NINL: variants seen among roughly 807,000 people sequenced by gnomAD.
The protein encoded by NINL is ninein like.
NINL carries 153 observed loss-of-function variants against 160.3 expected under a neutral mutation model. The observed-to-expected ratio is 0.95, with a 90% CI of 0.84 to 1.09. The LOEUF is 1.09. NINL is among the 50% of genes least tolerant of loss of function. NINL has a pLI of 0.00. For missense variants in NINL, 1,829 were observed against 1,764.0 expected (o/e 1.04, Z -0.66); for synonymous variants, 800 against 734.8 (o/e 1.09, Z -1.43).
Position 25,487,056 on chromosome 20 carries a change from C to T in NINL, c.1677+2188G>A, listed in dbSNP as rs575958486. 4.6e-5 allele frequency among the ~76,000 whole-genome samples: 7 copies of T among 152,286 alleles called. No homozygotes were observed. In the South Asian group the frequency reaches 1.5e-3, roughly 32 times the overall value. On this transcript the variant is annotated intron_variant, in intron 13 of 23. Transcript: ENST00000278886. ...GGGTGATGTGGCCTTAAGATTCACA[C>T]ACGGAAAGAATGAGCTGTAACTAAA... is the stretch of plus-strand genomic sequence containing the variant.
At chr20:25,562,593 G>C (rs1420728100) in intron 1 of NINL, among the ~76,000 whole-genome samples, 1 of 137,066 alleles carries the variant, frequency 7.3e-6, no homozygotes, top group Non-Finnish European at 1.5e-5. Flanking sequence ...ATGCTTGAAG[G>C]CAGCATGCTC....
intron 13 of NINL, chr20:25,488,857 T>C (rs1448473693): frequency 5.5e-6 from 1 of 181,262 alleles, no homozygotes; most frequent in African/African-American, 2.3e-5. Context: ...CAACAAAAGC[T>C]CTTTGGGGTC....
chr20:25,518,564 A>G (rs1013422219), intron 2 of NINL, among the ~76,000 whole-genome samples: 2 of 152,268 alleles, frequency 1.3e-5, no homozygotes, highest in Non-Finnish European at 2.9e-5. Flanking sequence ...AATTTTTAAT[A>G]TCCTTATGTT....
intron 1 of NINL, among the ~76,000 whole-genome samples, chr20:25,558,166 AC>A (rs371340180): frequency 1.8e-4 from 27 of 152,138 alleles, no homozygotes; most frequent in African/African-American, 5.5e-4. Context: ...ACAAAGATAA[AC>A]ATGCTGAGTA....
intron 17 of NINL, among the ~76,000 whole-genome samples, chr20:25,474,673 G>A (rs1211798805): frequency 6.6e-6 from 1 of 151,818 alleles, no homozygotes; most frequent in Non-Finnish European, 1.5e-5. Context: ...TGCAGTGAGT[G>A]GTGTGATCTC....
chr20:25,499,152 C>G, intron 8 of NINL: 1 of 985,438 alleles, frequency 1.0e-6, no homozygotes, highest in Non-Finnish European at 1.2e-6. Flanking sequence ...TGACTTTCCA[C>G]ACTGCCCACT....
At chr20:25,562,892 G>C (rs569537236) in intron 1 of NINL, among the ~76,000 whole-genome samples, 3 of 152,228 alleles carry the variant, frequency 2.0e-5, no homozygotes, top group Non-Finnish European at 4.4e-5. Context: ...AGCAGGCTGG[G>C]CATGATGGCT....
At position 25,504,975 on chromosome 20, in the gene NINL, C is replaced by A. The variant is rs777079216; in HGVS notation, c.621G>T (p.Glu207Asp). The A allele has an allele frequency of 6.2e-7, 1 of 1,613,768 alleles. No individual in the cohort carries two copies. Among genetic ancestry groups the A allele is most frequent in the South Asian group, 1.1e-5 (1 of 91,070 alleles). The change falls in exon 6 of 24, where the codon GAG (glutamate) becomes GAT (aspartate). Residue 207 changes from glutamate to aspartate, a missense_variant. Glu to Asp is a conservative substitution (Grantham distance 45). Transcript: ENST00000278886. The stretch of plus-strand genomic sequence containing the variant: ...GGTGTCCGCTGCTGCCCACCCCCAG[C>A]TCTTCCCACACGCCCCGGATCTGGC... The part of the protein sequence containing the change: ...PESQIRGVWE[E>D]LGVGSSGHLS...
intron 1 of NINL, among the ~76,000 whole-genome samples, chr20:25,537,213 G>T (rs1034639469): frequency 6.6e-6 from 1 of 152,074 alleles, no homozygotes; most frequent in Non-Finnish European, 1.5e-5. Flanking sequence ...CCCCCAAGCA[G>T]CTGGGACTAC....
At chr20:25,502,630 T>A (rs1300647040) in intron 7 of NINL, among the ~76,000 whole-genome samples, 1 of 152,140 alleles carries the variant, frequency 6.6e-6, no homozygotes, top group African/African-American at 2.4e-5. Context: ...GGTGACTGGA[T>A]CTTGGAGGCA....
intron 1 of NINL, among the ~76,000 whole-genome samples, chr20:25,571,181 T>TATCCAGAAAAAGG (rs748404569): frequency 2.6e-5 from 4 of 152,192 alleles, no homozygotes; most frequent in Non-Finnish European, 4.4e-5. Flanking sequence ...CACGTCAAAA[T>TATCCAGAAAAAGG]ATCCAGAAAA....
rs751507685 is a variant in NINL at position 25,500,975 on chromosome 20, G to A, written c.897C>T (p.Thr299=). ...PEESGCHTTT[T]SSLVSLCSSL... The stretch of plus-strand genomic sequence containing the variant: ...TGGAGCACAGGGACACGAGGGATGA[G>A]GTTGTGGTGGTGTGGCAGCCGCTCT... The change falls in exon 8 of 24, where the codon ACC becomes ACT. Residue 299 remains threonine, a synonymous_variant. Transcript: ENST00000278886. The A allele has an allele frequency of 2.5e-6, 4 of 1,614,058 alleles. No individual in the cohort carries two copies. The highest frequency in any genetic ancestry group is 3.4e-6 in the Non-Finnish European group (4 of 1,180,042).
intron 1 of NINL, among the ~76,000 whole-genome samples, chr20:25,554,636 C>CAAA (rs747557892): frequency 1.2e-5 from 1 of 85,782 alleles, no homozygotes; most frequent in African/African-American, 5.8e-5. Flanking sequence ...AAAAAAAAAA[C>CAAA]AAAAAAAAAA....
intron 11 of NINL, 97 bp from the exon 12 acceptor site, chr20:25,490,082 A>G: frequency 8.9e-7 from 1 of 1,118,610 alleles, no homozygotes; most frequent in South Asian, 1.3e-5. Context: ...AGGACTGGGC[A>G]TCAGGAAAGA....
At chr20:25,565,920 C>T (rs1020880760) in intron 1 of NINL, among the ~76,000 whole-genome samples, 29 of 152,134 alleles carry the variant, frequency 1.9e-4, no homozygotes, top group African/African-American at 6.8e-4. Flanking sequence ...CCAGGACTTA[C>T]ACTGGCGACC....
intron 21 of NINL, among the ~76,000 whole-genome samples, chr20:25,459,478 A>G (rs1279973164): frequency 2.0e-5 from 3 of 152,170 alleles, no homozygotes; most frequent in African/African-American, 7.2e-5. Flanking sequence ...TTTGAGACAG[A>G]AAAGGAGGGA....
At chr20:25,552,449 T>C (rs1033014832) in intron 1 of NINL, among the ~76,000 whole-genome samples, 2 of 152,098 alleles carry the variant, frequency 1.3e-5, no homozygotes, top group Non-Finnish European at 2.9e-5. Flanking sequence ...AAAAAATAAA[T>C]CTACTAAAAA....
chr20:25,493,292 T>C (rs2063678272), intron 10 of NINL, among the ~76,000 whole-genome samples: 1 of 152,034 alleles, frequency 6.6e-6, no homozygotes, highest in Non-Finnish European at 1.5e-5. Flanking sequence ...GAGGCTGTGC[T>C]CGGGAGAACG....
In NINL at chr20:25,461,565, G is replaced by A. The variant is rs1451877645; in HGVS notation, c.3653C>T (p.Pro1218Leu). 2 of 1,605,426 alleles carry A rather than the reference G, an allele frequency of 1.2e-6. No individual in the cohort carries two copies. Among genetic ancestry groups the A allele is most frequent in the East Asian group, 4.5e-5 (2 of 44,786 alleles). ...AAGGGTCTGGGTCAGCTCTGACCAT[G>A]GCAGCTGCAGGCTCTGATGTTCCTG... ...LNQEHQSLQL[P>L]WSELTQTLEE... is the part of the protein sequence containing the mutation. Residue 1218 changes from proline (P) to leucine (L), a missense_variant, in exon 21 of 24, where the codon CCA (proline) becomes CTA (leucine). Physicochemically the swap from Pro to Leu is moderately conservative, Grantham distance 98. Coordinates refer to ENST00000278886, the MANE Select transcript of NINL (RefSeq NM_025176.6).
Sources: allele counts gnomAD v4.1 joint callset (sites outside exome capture counted in the v4.1 genomes callset), GRCh38; gene constraint gnomAD v4.1.1; transcripts MANE v1.5; gene names NCBI Gene and HGNC (gene_info 2026-07-23, HGNC 2026-07-21).